The following TJP2 variants were observed in gnomAD, a reference collection of about 807,000 sequenced individuals.
TJP2 encodes tight junction protein 2, also known as Friedreich ataxia region gene X104 (tight junction protein ZO-2).
In TJP2, 91 loss-of-function variants were observed where a neutral mutation model predicts 133.1. The observed-to-expected ratio is 0.68, with a 90% confidence interval of 0.58 to 0.81. TJP2 has a LOEUF of 0.81. Among genes scored for constraint, TJP2 ranks in the 40% least tolerant of loss-of-function variants. TJP2 has a pLI of 0.00. For missense variants in TJP2, 1,541 were observed against 1,565.6 expected (o/e 0.98, Z 0.26); for synonymous variants, 592 against 583.4 (o/e 1.01, Z -0.21).
At chr9:69,194,647 A>T (rs767692337) in intron 1 of TJP2, among the ~76,000 whole-genome samples, 1 of 152,178 alleles carries the variant, frequency 6.6e-6, no homozygotes, top group Non-Finnish European at 1.5e-5. Flanking sequence ...CCATGGTAGA[A>T]ACTTCTGTTG....
chr9:69,246,212 A>C (rs544986726), intron 17 of TJP2: 1 of 197,102 alleles, frequency 5.1e-6, no homozygotes, highest in African/African-American at 2.3e-5. Flanking sequence ...TTTGGTATCC[A>C]AGTGGGGGGT....
At chr9:69,162,038 T>TC (rs1824102582) in intron 2 of TJP2, among the ~76,000 whole-genome samples, 1 of 149,262 alleles carries the variant, frequency 6.7e-6, no homozygotes, top group Non-Finnish European at 1.5e-5. Flanking sequence ...GAGCAAAAAC[T>TC]CCATCTCAAA....
At chr9:69,138,469 C>CAA (rs797015130) in intron 1 of TJP2, among the ~76,000 whole-genome samples, 94 of 88,254 alleles carry the variant, frequency 1.1e-3, no homozygotes, top group East Asian at 3.3e-3. Flanking sequence ...GAGAACTTTA[C>CAA]AAAAAAAAAA....
chr9:69,151,764 G>A (rs540163501), exon 2 of TJP2: 84 of 1,231,990 alleles, frequency 6.8e-5, no homozygotes, highest in Non-Finnish European at 8.0e-5. Context: ...CACGGCCCAC[G>A]TTGCCAGGTA....
chr9:69,214,374 C>G (rs1828186552), intron 2 of TJP2, among the ~76,000 whole-genome samples: 1 of 152,138 alleles, frequency 6.6e-6, no homozygotes, highest in Non-Finnish European at 1.5e-5. Flanking sequence ...GTGTGAGCCA[C>G]CGCACCTGGC....
At chr9:69,161,337 T>C (rs1824060400) in intron 2 of TJP2, among the ~76,000 whole-genome samples, 1 of 152,158 alleles carries the variant, frequency 6.6e-6, no homozygotes, top group Non-Finnish European at 1.5e-5. Flanking sequence ...CAAGCCATTC[T>C]CCTGCCTCAG....
chr9:69,229,940 G>T, intron 10 of TJP2, 142 bp from the exon 11 acceptor site: 1 of 1,045,446 alleles, frequency 9.6e-7, no homozygotes. Flanking sequence ...GGATATATGA[G>T]ATAGATGAGA....
chr9:69,231,678 T>A (rs947898658), intron 11 of TJP2, among the ~76,000 whole-genome samples: 6 of 152,140 alleles, frequency 3.9e-5, no homozygotes, highest in African/African-American at 1.4e-4. Flanking sequence ...CAAACCTTGA[T>A]CATGAGCTTT....
Position 69,163,254 on chromosome 9 carries a change from C to T in TJP2, c.-10+11483C>T, listed in dbSNP as rs1375554319. On this transcript the variant is annotated intron_variant, in intron 2 of 5. Transcript: ENST00000423935. ...CTTTTAGCCGGGATGGTCTCGATCT[C>T]CTGACCTCGTGATCCGCCCGCCTCG... 4.3e-5 allele frequency among the ~76,000 whole-genome samples: 2 copies of T among 46,434 alleles called. 1 individual carries two copies. Among genetic ancestry groups the T allele is most frequent in the Non-Finnish European group, 8.5e-5 (2 of 23,440 alleles). The allele number at this position is 46,434 out of a possible 152,430, so 30.5% of individuals were successfully genotyped here. A position where few individuals can be genotyped will look rare whatever the true frequency, so the allele number is the denominator to read the frequency against.
chr9:69,161,218 G>T (rs981937337), intron 2 of TJP2, among the ~76,000 whole-genome samples: 1 of 149,708 alleles, frequency 6.7e-6, no homozygotes, highest in Non-Finnish European at 1.5e-5. Context: ...TCAGTGATGT[G>T]TGTGTGTGTG....
At chr9:69,155,587 G>A (rs532774814) in intron 2 of TJP2, among the ~76,000 whole-genome samples, 1 of 152,392 alleles carries the variant, frequency 6.6e-6, no homozygotes, top group Non-Finnish European at 1.5e-5. Flanking sequence ...TACTTGTAAT[G>A]GCTGGTTTAG....
chr9:69,229,517 T>TG (rs113886124), intron 10 of TJP2, among the ~76,000 whole-genome samples: 35 of 152,346 alleles, frequency 2.3e-4, no homozygotes, highest in African/African-American at 8.2e-4. Context: ...TCTGAATATT[T>TG]GCGTTTGTCA....
chr9:69,239,805 A>G, intron 16 of TJP2, 132 bp from the exon 17 acceptor site: 1 of 880,672 alleles, frequency 1.1e-6, no homozygotes, highest in Non-Finnish European at 1.8e-6. Context: ...CAGAGCAAGA[A>G]TCTATCCCAA....
At chr9:69,164,067 A>C (rs147228627) in intron 2 of TJP2, among the ~76,000 whole-genome samples, 3 of 152,222 alleles carry the variant, frequency 2.0e-5, no homozygotes, top group East Asian at 3.9e-4. Flanking sequence ...TAGAACCATA[A>C]ATTTTATGAG....
chr9:69,160,016 C>CAAGCATTTAGCT (rs1185222770), intron 2 of TJP2, among the ~76,000 whole-genome samples: 1 of 150,680 alleles, frequency 6.6e-6, no homozygotes, highest in East Asian at 1.9e-4. Context: ...ACTTTAGCAA[C>CAAGCATTTAGCT]TGAAGGATGA....
intron 21 of TJP2, 81 bp from the exon 22 acceptor site, chr9:69,252,734 G>A (rs1831426060): frequency 4.6e-6 from 6 of 1,313,348 alleles, no homozygotes; most frequent in Middle Eastern, 1.8e-4. Context: ...GGGAAAGGGT[G>A]GGACCAGCAG....
intron 1 of TJP2, among the ~76,000 whole-genome samples, chr9:69,131,940 T>A (rs1334832015): frequency 6.6e-6 from 1 of 152,222 alleles, no homozygotes; most frequent in African/African-American, 2.4e-5. Context: ...TACTCATGGC[T>A]ATGATTTATT....
At chr9:69,161,214 ATG>A (rs111442939) in intron 2 of TJP2, among the ~76,000 whole-genome samples, 29,562 of 147,896 alleles carry the variant, frequency 0.2, 2,904 homozygotes, top group South Asian at 0.25. Context: ...GTCATCAGTG[ATG>A]TGTGTGTGTG....
intron 1 of TJP2, among the ~76,000 whole-genome samples, chr9:69,181,262 T>C (rs1283225954): frequency 6.9e-6 from 1 of 144,256 alleles, no homozygotes; most frequent in Non-Finnish European, 1.5e-5. Flanking sequence ...TTTTTTTTTT[T>C]TTTTGAGGTG....
Sources: gnomAD v4.1 joint callset for allele counts (sites outside exome capture counted in the v4.1 genomes callset) on GRCh38, gnomAD v4.1.1 for gene constraint, MANE v1.5 for transcripts, NCBI Gene and HGNC (gene_info 2026-07-23, HGNC 2026-07-21) for gene names.